The following DAB1 variants were observed in gnomAD, a reference collection of about 807,000 sequenced individuals.
The protein encoded by DAB1 is DAB adaptor protein 1, also known as disabled homolog 1.
A neutral mutation model predicts 64.6 loss-of-function variants in DAB1; 15 were observed. The observed-to-expected ratio is 0.23, with a 90% CI of 0.16 to 0.36. The LOEUF (loss-of-function observed/expected upper bound fraction) is 0.36. DAB1 is among the 10% of genes least tolerant of loss of function. DAB1 has a pLI of 1.00. For synonymous variants in DAB1, 235 were observed against 251.9 expected, an observed-to-expected ratio of 0.93 and a Z score of 0.64; for missense variants, 596 against 706.7, an observed-to-expected ratio of 0.84 and a Z score of 1.78.
upstream of DAB1, among the ~76,000 whole-genome samples, chr1:57,425,552 T>G (rs1397357643): frequency 1.3e-5 from 2 of 152,210 alleles, no homozygotes; most frequent in African/African-American, 4.8e-5. Context: ...CCCATTAAAC[T>G]TATTCCATAA....
At chr1:58,155,238 T>C (rs889316347) in intron 4 of DAB1, among the ~76,000 whole-genome samples, 1 of 152,202 alleles carries the variant, frequency 6.6e-6, no homozygotes, top group Non-Finnish European at 1.5e-5. Context: ...TGAAGAAGTA[T>C]GTCTATACCT....
chr1:57,349,742 T>C (rs1254174627), intron 1 of DAB1, among the ~76,000 whole-genome samples: 2 of 152,150 alleles, frequency 1.3e-5, no homozygotes, highest in East Asian at 3.9e-4. Flanking sequence ...CAGTGAGAAT[T>C]TCCCCTCCTA....
At chr1:57,030,609 T>C (rs1190275950) in intron 9 of DAB1, among the ~76,000 whole-genome samples, 1 of 152,220 alleles carries the variant, frequency 6.6e-6, no homozygotes, top group East Asian at 1.9e-4. Flanking sequence ...TTTCATACCT[T>C]TCCCAGCCTT....
rs1306042110 is a variant in DAB1 at position 57,492,398 on chromosome 1, C to CTAA, written n.625+157191_625+157193dup. 1.1e-4 allele frequency among the ~76,000 whole-genome samples: 17 copies of CTAA among 152,062 alleles called. 1 individual carries two copies. The highest frequency in any genetic ancestry group is 1.1e-3 in the Admixed American group (17 of 15,254). On this transcript the variant is annotated intron_variant and non_coding_transcript_variant, in intron 7 of 20. Coordinates refer to the DAB1 transcript ENST00000485760. ...TAACGTCAGGATTTGGGGTGGTGCT[C>CTAA]TAATATACAAAGAGATTCATAGCAA... is the stretch of plus-strand genomic sequence containing the variant.
intron 3 of DAB1, among the ~76,000 whole-genome samples, chr1:58,459,878 T>C (rs1363325823): frequency 6.6e-6 from 1 of 152,180 alleles, no homozygotes; most frequent in African/African-American, 2.4e-5. Context: ...CTCAGGAGAC[T>C]GCGGCATGAG....
rs940146319 is a variant in DAB1 at position 58,117,235 on chromosome 1, C to T, written n.387+33276G>A. The stretch of plus-strand genomic sequence containing the variant: ...CCTGCCTACCAAAAGAAACGTGTTG[C>T]CTGTACTAGTAAGTTACTTATGCAT... On this transcript the variant is annotated intron_variant and non_coding_transcript_variant, in intron 5 of 20. Transcript: ENST00000485760. Among the ~76,000 whole-genome samples the T allele has an allele frequency of 3.2e-4, 49 of 152,140 alleles. 1 individual carries two copies. Among genetic ancestry groups the T allele is most frequent in the African/African-American group, 1.2e-3 (48 of 41,428 alleles).
intron 3 of DAB1, chr1:58,473,920 ACT>A (rs1242291935): frequency 1.7e-6 from 2 of 1,172,122 alleles, no homozygotes; most frequent in African/African-American, 3.1e-5. Flanking sequence ...TTGAGCGTTA[ACT>A]CTGCAATCTG....
intron 4 of DAB1, among the ~76,000 whole-genome samples, chr1:57,086,050 G>T (rs997414534): frequency 6.6e-6 from 1 of 152,156 alleles, no homozygotes; most frequent in African/African-American, 2.4e-5. Context: ...GCAATAAAAT[G>T]CTGGGCAGTG....
Position 57,487,976 on chromosome 1 carries a change from A to C in DAB1, n.625+161616T>G, listed in dbSNP as rs575775915. Among the ~76,000 whole-genome samples, 4 of 152,340 alleles carry C rather than the reference A, an allele frequency of 2.6e-5. No individual in the cohort carries two copies. In the South Asian group the frequency reaches 8.3e-4, roughly 32 times the overall value. On this transcript the variant is annotated intron_variant and non_coding_transcript_variant, in intron 7 of 20. Transcript: ENST00000485760. Reference sequence around the variant, plus strand: ...ATATTGTAATAACCATCCTTATACAAATGAACTCACAAGCTAAATCTTATA... The same window carrying C: ...ATATTGTAATAACCATCCTTATACACATGAACTCACAAGCTAAATCTTATA...
At chr1:58,495,665 G>T (rs1042219881) in intron 3 of DAB1, among the ~76,000 whole-genome samples, 1 of 151,058 alleles carries the variant, frequency 6.6e-6, no homozygotes, top group South Asian at 2.1e-4. Flanking sequence ...CTGACATATT[G>T]TCCTATGTGT....
chr1:57,557,949 T>C (rs1645009321), intron 7 of DAB1, among the ~76,000 whole-genome samples: 1 of 152,164 alleles, frequency 6.6e-6, no homozygotes, highest in Non-Finnish European at 1.5e-5. Context: ...GAGAGTCTTA[T>C]CTCCTGTAGA....
chr1:58,487,491 A>G (rs1645595184), intron 3 of DAB1, among the ~76,000 whole-genome samples: 1 of 152,184 alleles, frequency 6.6e-6, no homozygotes. Context: ...TGAATCAGAA[A>G]CTTAATAACA....
intron 2 of DAB1, among the ~76,000 whole-genome samples, chr1:57,273,612 T>TTCCCTCCC (rs541091242): frequency 1.1e-5 from 1 of 91,772 alleles, no homozygotes; most frequent in East Asian, 3.3e-4. Flanking sequence ...CCTTCCTTCC[T>TTCCCTCCC]TCCCTCCCTC....
At chr1:58,299,650 GT>G (rs1662076091) in intron 4 of DAB1, among the ~76,000 whole-genome samples, 1 of 152,172 alleles carries the variant, frequency 6.6e-6, no homozygotes, top group Non-Finnish European at 1.5e-5. Flanking sequence ...ATCTGTGATA[GT>G]GCCCACACCC....
At chr1:58,436,426 C>A (rs1179151892) in intron 3 of DAB1, among the ~76,000 whole-genome samples, 1 of 152,236 alleles carries the variant, frequency 6.6e-6, no homozygotes, top group African/African-American at 2.4e-5. Context: ...CAGCCAACTT[C>A]ACCCAAGATT....
At chr1:57,001,264 A>C (rs1004276299) in intron 14 of DAB1, among the ~76,000 whole-genome samples, 7 of 152,162 alleles carry the variant, frequency 4.6e-5, no homozygotes, top group African/African-American at 7.2e-5. Context: ...ATGGAATCGC[A>C]CATTAACATA....
chr1:57,058,722 A>C (rs2100555549), intron 9 of DAB1, among the ~76,000 whole-genome samples: 1 of 152,356 alleles, frequency 6.6e-6, no homozygotes, highest in East Asian at 1.9e-4. Flanking sequence ...GAGAAGACCA[A>C]AGACCGAATA....
At chr1:58,284,523 A>C (rs1661638700) in intron 4 of DAB1, among the ~76,000 whole-genome samples, 1 of 152,268 alleles carries the variant, frequency 6.6e-6, no homozygotes, top group Non-Finnish European at 1.5e-5. Context: ...AAGGCAATGC[A>C]TAAAGCTGTC....
intron 5 of DAB1, among the ~76,000 whole-genome samples, chr1:57,959,368 A>T (rs1419235): frequency 0.44 from 66,929 of 152,072 alleles, 15,339 homozygotes; most frequent in East Asian, 0.78. Flanking sequence ...ATGTGTAAAA[A>T]GAGATAAGGG....
Sources: allele counts gnomAD v4.1 joint callset (sites outside exome capture counted in the v4.1 genomes callset), GRCh38; gene constraint gnomAD v4.1.1; transcripts MANE v1.5; gene names NCBI Gene and HGNC (gene_info 2026-07-23, HGNC 2026-07-21).